Variants in WDR59 observed in about 807,000 individuals in gnomAD.
WDR59 encodes GATOR2 complex protein WDR59.
A neutral mutation model predicts 131.2 loss-of-function variants in WDR59; 100 were observed. The ratio of observed to expected loss-of-function variants is 0.76; its 90% CI spans 0.65 to 0.90. The LOEUF (loss-of-function observed/expected upper bound fraction) is 0.90. WDR59 is among the 40% of genes least tolerant of loss of function. The pLI, the probability that WDR59 is intolerant of heterozygous loss-of-function variation, is 0.00. For missense variants in WDR59, 1,203 were observed against 1,262.2 expected, an observed-to-expected ratio of 0.95 and a Z score of 0.71; for synonymous variants, 601 against 466.2, an observed-to-expected ratio of 1.29 and a Z score of -3.72.
intron 11 of WDR59, 115 bp from the exon 12 acceptor site, chr16:74,916,374 C>T: frequency 7.5e-7 from 1 of 1,332,550 alleles, no homozygotes; most frequent in Non-Finnish European, 1.1e-6. Flanking sequence ...GATGTGTCAG[C>T]CAAGAGCTGA....
At chr16:74,944,190 G>A (rs1238957183) in intron 6 of WDR59, among the ~76,000 whole-genome samples, 1 of 152,112 alleles carries the variant, frequency 6.6e-6, no homozygotes, top group Non-Finnish European at 1.5e-5. Flanking sequence ...CAGAGGCCAG[G>A]CGCAGTGGCT....
At chr16:74,965,693 T>C (rs2145195915) in intron 2 of WDR59, 80 bp downstream of exon 2, 4 of 1,525,818 alleles carry the variant, frequency 2.6e-6, no homozygotes, top group South Asian at 2.2e-5. Flanking sequence ...AATATAAGAA[T>C]AGCTTCCAAG....
rs564086894 is a variant in WDR59 at position 74,930,064 on chromosome 16, G to A, written c.652-6061C>T. On this transcript the variant is annotated intron_variant, in intron 8 of 25. Transcript: ENST00000262144. Reference sequence around the variant, plus strand: ...TAGTGGGGTAGAGCGGGGGGAGCCAGAAGTGGGGATGGTTAATGGGTAGAA... The same window carrying A: ...TAGTGGGGTAGAGCGGGGGGAGCCAAAAGTGGGGATGGTTAATGGGTAGAA... Among the ~76,000 whole-genome samples the A allele has an allele frequency of 4.3e-4, 66 of 152,254 alleles. 1 individual carries two copies. The highest frequency in any genetic ancestry group is 3.4e-3 in the Middle Eastern group (1 of 294).
In WDR59 at chr16:74,871,477, G is replaced by A. The variant is rs1251635309; in HGVS notation, c.*2732C>T. ...TTTAAAATATTAGACTTTTGTTCTG[G>A]TAACTTGGAAATTCAAAAGGAATTT... On this transcript the variant is annotated 3_prime_UTR_variant, in exon 26 of 26. Coordinates refer to ENST00000262144, the MANE Select transcript of WDR59 (RefSeq NM_030581.4). 6.6e-6 allele frequency: 1 copy of A among 152,144 alleles called. No individual in the cohort carries two copies. Among genetic ancestry groups the A allele is most frequent in the Non-Finnish European group, 1.5e-5 (1 of 68,038 alleles). 9.4% of individuals were successfully genotyped at this position (152,144 alleles called of 1,614,324 possible).
chr16:74,928,611 A>G (rs1054357468), intron 8 of WDR59, among the ~76,000 whole-genome samples: 1 of 151,870 alleles, frequency 6.6e-6, no homozygotes, highest in African/African-American at 2.4e-5. Flanking sequence ...ATGTTAAAAT[A>G]CTCCAATGAA....
In WDR59 at chr16:74,874,075, G is replaced by A. The variant is rs1002240771; in HGVS notation, c.*134C>T. ...GAGGCCCACCAAGAGCTGATGCTGCGCAGTCCTTGGGGGATCATCCTCCGG... is the reference window on the plus strand; with the variant it reads ...GAGGCCCACCAAGAGCTGATGCTGCACAGTCCTTGGGGGATCATCCTCCGG... On this transcript the variant is annotated 3_prime_UTR_variant, in exon 26 of 26. Coordinates refer to ENST00000262144, the MANE Select transcript of WDR59 (RefSeq NM_030581.4). 2.7e-5 allele frequency: 19 copies of A among 701,116 alleles called. No homozygotes were observed. The highest frequency in any genetic ancestry group is 1.7e-4 in the Admixed American group (6 of 35,240). 43.4% of individuals were successfully genotyped at this position (701,116 alleles called of 1,614,324 possible).
chr16:74,915,766 T>G, intron 13 of WDR59, 104 bp downstream of exon 13: 1 of 1,542,948 alleles, frequency 6.5e-7, no homozygotes, highest in Non-Finnish European at 8.9e-7. Flanking sequence ...AGAGTTCTGT[T>G]AAAGCTGCAA....
intron 14 of WDR59, among the ~76,000 whole-genome samples, chr16:74,910,595 T>A (rs182141925): frequency 3.2e-4 from 48 of 152,314 alleles, no homozygotes; most frequent in African/African-American, 1.1e-3. Context: ...GGATTGAAAT[T>A]GCTCTCAGTG....
At position 74,982,808 on chromosome 16, in the gene WDR59, G is replaced by C. The variant is rs527435196; in HGVS notation, c.54+2156C>G. Among the ~76,000 whole-genome samples, 277 of 152,234 alleles carry C rather than the reference G, an allele frequency of 1.8e-3. No homozygotes were observed. In the Middle Eastern group the frequency reaches 0.024, roughly 13 times the overall value. Reference sequence around the variant, plus strand: ...CTCAGTAGAGGCTACTGATCAGAGGGCACCACAGAGCAAAATGGTGGGTAG... The same window carrying C: ...CTCAGTAGAGGCTACTGATCAGAGGCCACCACAGAGCAAAATGGTGGGTAG... On this transcript the variant is annotated intron_variant, in intron 1 of 25. Coordinates refer to ENST00000262144, the MANE Select transcript of WDR59 (RefSeq NM_030581.4).
intron 18 of WDR59, among the ~76,000 whole-genome samples, chr16:74,900,907 T>C (rs540092155): frequency 6.6e-6 from 1 of 152,262 alleles, no homozygotes; most frequent in African/African-American, 2.4e-5. Flanking sequence ...TCACCTGAGG[T>C]CAGGAGTTCG....
intron 15 of WDR59, 38 bp downstream of exon 15, chr16:74,909,784 C>G (rs1567709624): frequency 1.9e-6 from 3 of 1,593,388 alleles, no homozygotes; most frequent in Admixed American, 3.7e-5. Flanking sequence ...AACAAAACAC[C>G]AAAGCCTAAG....
At chr16:74,943,962 G>T (rs2032421580) in intron 6 of WDR59, among the ~76,000 whole-genome samples, 1 of 152,184 alleles carries the variant, frequency 6.6e-6, no homozygotes, top group African/African-American at 2.4e-5. Flanking sequence ...CAGTGAAGAT[G>T]AAGCAAGGAA....
At chr16:74,907,683 G>A (rs961590639) in intron 17 of WDR59, among the ~76,000 whole-genome samples, 4 of 152,162 alleles carry the variant, frequency 2.6e-5, no homozygotes, top group Non-Finnish European at 5.9e-5. Flanking sequence ...AGGGAGGTTT[G>A]CAACTTATTA....
chr16:74,972,240 T>G (rs2034011391), intron 1 of WDR59, among the ~76,000 whole-genome samples: 1 of 152,192 alleles, frequency 6.6e-6, no homozygotes, highest in Non-Finnish European at 1.5e-5. Context: ...TGATTCTGAT[T>G]CTCTTGGAGT....
At chr16:74,912,462 T>C in intron 13 of WDR59, 100 bp from the exon 14 acceptor site, 1 of 1,270,122 alleles carries the variant, frequency 7.9e-7, no homozygotes, top group Non-Finnish European at 1.1e-6. Context: ...GGTAATTGAA[T>C]GAAGGGAAAG....
intron 18 of WDR59, among the ~76,000 whole-genome samples, chr16:74,897,825 G>A (rs763867780): frequency 6.6e-6 from 1 of 152,180 alleles, no homozygotes; most frequent in Non-Finnish European, 1.5e-5. Flanking sequence ...TTTATAATGT[G>A]TTGGTTAGTG....
chr16:74,911,449 G>C (rs989139763), intron 14 of WDR59, among the ~76,000 whole-genome samples: 32 of 152,230 alleles, frequency 2.1e-4, no homozygotes, highest in African/African-American at 7.7e-4. Context: ...GCCTGAGTTT[G>C]TCAGAATACT....
intron 1 of WDR59, among the ~76,000 whole-genome samples, chr16:74,966,857 C>T (rs2033796395): frequency 6.6e-6 from 1 of 152,168 alleles, no homozygotes; most frequent in Non-Finnish European, 1.5e-5. Context: ...ACGTCTAACT[C>T]CCAAGAGACT....
intron 25 of WDR59, among the ~76,000 whole-genome samples, chr16:74,882,877 A>C (rs1597629917): frequency 6.7e-6 from 1 of 150,208 alleles, no homozygotes; most frequent in East Asian, 1.9e-4. Flanking sequence ...AAAAGAAACT[A>C]TACCTACACA....
Sources: allele counts gnomAD v4.1 joint callset (sites outside exome capture counted in the v4.1 genomes callset), GRCh38; gene constraint gnomAD v4.1.1; transcripts MANE v1.5; gene names NCBI Gene and HGNC (gene_info 2026-07-23, HGNC 2026-07-21).